Variants in HSD17B12 observed in about 807,000 individuals in gnomAD.
HSD17B12 encodes hydroxysteroid 17-beta dehydrogenase 12, also known as very-long-chain 3-oxoacyl-CoA reductase.
HSD17B12 carries 32 observed loss-of-function variants against 39.3 expected under a neutral mutation model. The ratio of observed to expected loss-of-function variants is 0.81; its 90% CI spans 0.61 to 1.09. HSD17B12 has a LOEUF of 1.09. Among genes scored for constraint, HSD17B12 ranks in the 50% least tolerant of loss-of-function variants. HSD17B12 has a pLI of 0.00. For synonymous variants in HSD17B12, 150 were observed against 146.7 expected (o/e 1.02, Z -0.16); for missense variants, 342 against 382.9 (o/e 0.89, Z 0.89).
intron 3 of HSD17B12, among the ~76,000 whole-genome samples, chr11:43,776,773 G>A (rs61883805): frequency 0.048 from 7,339 of 152,072 alleles, 200 homozygotes; most frequent in Non-Finnish European, 0.054. Context: ...ATCTTGAATT[G>A]ATTTTTGTAT....
intron 3 of HSD17B12, among the ~76,000 whole-genome samples, chr11:43,759,977 C>T (rs1950542236): frequency 6.6e-6 from 1 of 151,974 alleles, no homozygotes; most frequent in South Asian, 2.1e-4. Context: ...CTCACTGCAA[C>T]CTACGTCTCC....
chr11:43,633,583 A>G, the HSD17B12 span, among the ~76,000 whole-genome samples: 1 of 152,162 alleles, frequency 6.6e-6, no homozygotes, highest in Non-Finnish European at 1.5e-5. Context: ...ACAACAACAT[A>G]GCACACATTT....
In HSD17B12 at chr11:43,684,673, GT is replaced by G. The variant is rs1261065000; in HGVS notation, c.160+3688del. ...AAATGATCCACTAATCAGTTAGTGA[GT>G]TAGATTTTTTAAAACAACTTTAGTG... On this transcript the variant is annotated intron_variant, in intron 1 of 10. Coordinates refer to ENST00000278353, the MANE Select transcript of HSD17B12 (RefSeq NM_016142.3). 3.9e-5 allele frequency among the ~76,000 whole-genome samples: 6 copies of G among 152,312 alleles called. No homozygotes were observed. The East Asian group carries it at 7.7e-4, about 20-fold the overall frequency.
At chr11:43,804,090 AC>A (rs1950996553) in intron 4 of HSD17B12, among the ~76,000 whole-genome samples, 2 of 152,300 alleles carry the variant, frequency 1.3e-5, no homozygotes, top group Non-Finnish European at 2.9e-5. Flanking sequence ...TTCAAATTCT[AC>A]TACTATGACT....
At chr11:43,838,245 C>T (rs1056490302) in intron 7 of HSD17B12, 72 bp from the exon 8 acceptor site, 5 of 986,522 alleles carry the variant, frequency 5.1e-6, no homozygotes, top group African/African-American at 4.8e-5. Flanking sequence ...AATTATATAT[C>T]TCAATCTGTA....
At chr11:43,754,515 G>A (rs1255544747) in intron 3 of HSD17B12, among the ~76,000 whole-genome samples, 1 of 152,204 alleles carries the variant, frequency 6.6e-6, no homozygotes, top group African/African-American at 2.4e-5. Context: ...GGTGGAAGTT[G>A]CAGTGAGCCA....
chr11:43,831,092 C>A lies in HSD17B12; in HGVS notation c.536+82C>A. 3 of 1,306,768 alleles carry A rather than the reference C, an allele frequency of 2.3e-6. No individual in the cohort carries two copies. The highest frequency in any genetic ancestry group is 2.7e-5 in the South Asian group (2 of 75,286). 80.9% of individuals were successfully genotyped at this position (1,306,768 alleles called of 1,614,324 possible). A position where few individuals can be genotyped will look rare whatever the true frequency, so the allele number is the denominator to read the frequency against. On this transcript the variant is annotated intron_variant, in intron 7 of 10. Transcript: ENST00000278353. This position sits in a 1 kb window ranked among gnomAD's most constrained non-coding sequence, Gnocchi z 4.1. ...GGGAGAATCCTTGCTTTGAAAAAAT[C>A]ACTGAAGTGACTAATGAACCAAGCC...
chr11:43,815,806 A>G (rs1272050132), intron 5 of HSD17B12, among the ~76,000 whole-genome samples: 1 of 152,200 alleles, frequency 6.6e-6, no homozygotes, highest in Non-Finnish European at 1.5e-5. Flanking sequence ...TTTGTGTTAT[A>G]TCAAAATAGC....
intron 1 of HSD17B12, among the ~76,000 whole-genome samples, chr11:43,704,308 T>C (rs1057418325): frequency 2.0e-5 from 3 of 152,252 alleles, no homozygotes; most frequent in African/African-American, 7.2e-5. Flanking sequence ...TTCTGCAACC[T>C]CTCAGGGTAG....
chr11:43,851,540 T>C (rs1038160310), intron 9 of HSD17B12, among the ~76,000 whole-genome samples: 3 of 152,200 alleles, frequency 2.0e-5, no homozygotes, highest in African/African-American at 7.2e-5. Flanking sequence ...AGATAGGTGC[T>C]CTTATATATG....
intron 8 of HSD17B12, among the ~76,000 whole-genome samples, chr11:43,839,793 G>A (rs1032634101): frequency 2.0e-5 from 3 of 151,978 alleles, no homozygotes; most frequent in Admixed American, 6.6e-5. Flanking sequence ...TATTATATTT[G>A]GTAATATAAT....
chr11:43,786,687 T>TC (rs1365817809), intron 3 of HSD17B12, among the ~76,000 whole-genome samples: 1 of 152,226 alleles, frequency 6.6e-6, no homozygotes, highest in Admixed American at 6.5e-5. Flanking sequence ...TTTCAAAATT[T>TC]AAAAAACAAC....
chr11:43,596,195 A>C, the HSD17B12 span, among the ~76,000 whole-genome samples: 4 of 151,604 alleles, frequency 2.6e-5, no homozygotes, highest in Admixed American at 6.6e-5. Flanking sequence ...CCAGCCTCAA[A>C]CCCCCCGTTT....
At chr11:43,629,143 T>G in the HSD17B12 span, among the ~76,000 whole-genome samples, 1 of 152,148 alleles carries the variant, frequency 6.6e-6, no homozygotes, top group Non-Finnish European at 1.5e-5. Flanking sequence ...TGATTATATC[T>G]GAAGAAACAT....
chr11:43,756,057 TG>T (rs1165771362), intron 3 of HSD17B12, among the ~76,000 whole-genome samples: 7 of 152,068 alleles, frequency 4.6e-5, no homozygotes, highest in African/African-American at 1.4e-4. Context: ...GAGAACAGTA[TG>T]GGGGGAACCG....
chr11:43,590,332 A>G, the HSD17B12 span, among the ~76,000 whole-genome samples: 1 of 151,174 alleles, frequency 6.6e-6, no homozygotes, highest in Admixed American at 6.6e-5. Context: ...TTAAATTGCA[A>G]TGACATTGCA....
chr11:43,577,974 C>T, the HSD17B12 span, among the ~76,000 whole-genome samples: 1 of 152,080 alleles, frequency 6.6e-6, no homozygotes, highest in African/African-American at 2.4e-5. Flanking sequence ...ACACTTTGGC[C>T]GAATCTGTGG....
chr11:43,723,388 A>G (rs1281943102), intron 1 of HSD17B12, among the ~76,000 whole-genome samples: 5 of 152,198 alleles, frequency 3.3e-5, no homozygotes. Flanking sequence ...TAGCATTTTG[A>G]CTAGATCTGT....
At chr11:43,685,128 TA>T (rs1949786408) in intron 1 of HSD17B12, among the ~76,000 whole-genome samples, 2 of 152,244 alleles carry the variant, frequency 1.3e-5, no homozygotes, top group Non-Finnish European at 2.9e-5. Flanking sequence ...TCTGGATGTT[TA>T]CATTAGCAAA....
Sources: gnomAD v4.1 joint callset for allele counts (sites outside exome capture counted in the v4.1 genomes callset) on GRCh38, gnomAD v4.1.1 for gene constraint, Gnocchi (gnomAD v3.1) non-coding constraint, MANE v1.5 for transcripts, NCBI Gene and HGNC (gene_info 2026-07-23, HGNC 2026-07-21) for gene names.